RBBP4: variants seen among roughly 807,000 people sequenced by gnomAD.
RBBP4 encodes the protein RB binding protein 4, chromatin remodeling factor.
A neutral mutation model predicts 57.2 loss-of-function variants in RBBP4; 3 were observed. The observed-to-expected ratio is 0.05, with a 90% CI of 0.02 to 0.14. The LOEUF (loss-of-function observed/expected upper bound fraction) is 0.14. RBBP4 is among the 10% of genes least tolerant of loss of function. RBBP4 has a pLI of 1.00. For missense variants in RBBP4, 107 were observed against 520.6 expected (o/e 0.21, Z 7.73); for synonymous variants, 151 against 171.5 (o/e 0.88, Z 0.93).
chr1:32,664,639 G>A (rs934425556), intron 3 of RBBP4, among the ~76,000 whole-genome samples: 3 of 152,050 alleles, frequency 2.0e-5, no homozygotes, highest in Admixed American at 2.0e-4. Flanking sequence ...TTTTAGTAGA[G>A]ATGAGGTTTC....
chr1:32,661,681 C>T (rs372480411), intron 3 of RBBP4, among the ~76,000 whole-genome samples: 1 of 151,820 alleles, frequency 6.6e-6, no homozygotes, highest in Non-Finnish European at 1.5e-5. Flanking sequence ...TCTAAGTGTT[C>T]CCTTTTCTCT....
chr1:32,686,124 C>T lies in RBBP4; in HGVS notation c.*6419C>T, dbSNP rs992303659. 3 of 152,150 alleles carry T rather than the reference C, an allele frequency of 2.0e-5. No individual in the cohort carries two copies. Among genetic ancestry groups the T allele is most frequent in the African/African-American group, 7.2e-5 (3 of 41,422 alleles). 9.4% of individuals were successfully genotyped at this position (152,150 alleles called of 1,614,324 possible). On this transcript the variant is annotated 3_prime_UTR_variant, in exon 12 of 12. Coordinates refer to ENST00000373493, the MANE Select transcript of RBBP4 (RefSeq NM_005610.3). ...TACACAGCAGATTTCTAAGACAGCACACAAAATGTAAAATATGTCAAAAAT... is the reference window on the plus strand; with the variant it reads ...TACACAGCAGATTTCTAAGACAGCATACAAAATGTAAAATATGTCAAAAAT...
chr1:32,682,064 G>A lies in RBBP4; in HGVS notation c.*2359G>A. 1 of 558,390 alleles carries A rather than the reference G, an allele frequency of 1.8e-6. No individual in the cohort carries two copies. The highest frequency in any genetic ancestry group is 3.2e-6 in the Non-Finnish European group (1 of 313,788). 34.6% of individuals were successfully genotyped at this position (558,390 alleles called of 1,614,324 possible). A position where few individuals can be genotyped will look rare whatever the true frequency, so the allele number is the denominator to read the frequency against. On this transcript the variant is annotated 3_prime_UTR_variant, in exon 12 of 12. Coordinates refer to ENST00000373493, the MANE Select transcript of RBBP4 (RefSeq NM_005610.3). ...GGATAGTTAAACGTTTTCTCTGCTA[G>A]GTTAACTTCTTACAGGTATAATTAC...
rs1327167915 is a variant in RBBP4 at position 32,679,838 on chromosome 1, A to G, written c.*133A>G. 2.1e-6 allele frequency: 3 copies of G among 1,410,262 alleles called. No individual in the cohort carries two copies. The highest frequency in any genetic ancestry group is 2.8e-5 in the East Asian group (1 of 35,806). 87.4% of individuals were successfully genotyped at this position (1,410,262 alleles called of 1,614,324 possible). A position where few individuals can be genotyped will look rare whatever the true frequency, so the allele number is the denominator to read the frequency against. The stretch of plus-strand genomic sequence containing the variant: ...AATAGGTACCACCGATAATGCTATT[A>G]GCCCAAACCGTGGGTGTTTTCTAAA... On this transcript the variant is annotated 3_prime_UTR_variant, in exon 12 of 12. Coordinates refer to ENST00000373493, the MANE Select transcript of RBBP4 (RefSeq NM_005610.3).
intron 2 of RBBP4, among the ~76,000 whole-genome samples, chr1:32,654,666 AT>A (rs1648054006): frequency 6.6e-6 from 1 of 152,184 alleles, no homozygotes; most frequent in Non-Finnish European, 1.5e-5. Flanking sequence ...ATCTAGATAA[AT>A]AATGTGAGAA....
intron 2 of RBBP4, among the ~76,000 whole-genome samples, chr1:32,657,045 G>C (rs1479203382): frequency 1.3e-5 from 2 of 152,164 alleles, no homozygotes; most frequent in African/African-American, 2.4e-5. Flanking sequence ...GGAGGCTGAG[G>C]TGGGTGGATA....
At chr1:32,673,654 T>C (rs1648970791) in intron 11 of RBBP4, 1 of 239,856 alleles carries the variant, frequency 4.2e-6, no homozygotes, top group African/African-American at 2.4e-5. Flanking sequence ...GCCAGGCTGG[T>C]CTCAAACTCC....
At position 32,681,930 on chromosome 1, in the gene RBBP4, A is replaced by C; in HGVS notation, c.*2225A>C. 1 of 1,390,936 alleles carries C rather than the reference A, an allele frequency of 7.2e-7. No homozygotes were observed. The highest frequency in any genetic ancestry group is 1.0e-6 in the Non-Finnish European group (1 of 978,310). 86.2% of individuals were successfully genotyped at this position (1,390,936 alleles called of 1,614,324 possible). On this transcript the variant is annotated 3_prime_UTR_variant, in exon 12 of 12. Coordinates refer to ENST00000373493, the MANE Select transcript of RBBP4 (RefSeq NM_005610.3). ...TTTAGTTACTGCAGGCTTTGTTGAG[A>C]AGAGATTGTTACAGTGTGATTTATG...
intron 8 of RBBP4, among the ~76,000 whole-genome samples, chr1:32,671,723 A>G (rs568543288): frequency 2.0e-5 from 3 of 148,698 alleles, no homozygotes; most frequent in African/African-American, 7.4e-5. Flanking sequence ...GCCTAACCCC[A>G]TCTCTACACA....
At chr1:32,678,992 CTAT>C (rs1236139575) in intron 11 of RBBP4, among the ~76,000 whole-genome samples, 1 of 152,030 alleles carries the variant, frequency 6.6e-6, no homozygotes, top group Non-Finnish European at 1.5e-5. Context: ...TACTTTTTGG[CTAT>C]TATTAATAAT....
At chr1:32,663,460 G>C (rs1479520051) in intron 3 of RBBP4, among the ~76,000 whole-genome samples, 2 of 152,050 alleles carry the variant, frequency 1.3e-5, no homozygotes, top group African/African-American at 4.8e-5. Context: ...TATTTTTTCA[G>C]ACAGGGTCTT....
At chr1:32,658,942 TAA>T (rs1648269399) in intron 3 of RBBP4, among the ~76,000 whole-genome samples, 1 of 7,070 alleles carries the variant, frequency 1.4e-4, no homozygotes, top group Non-Finnish European at 0.015. Flanking sequence ...TATTTATATA[TAA>T]ACATACGTAT....
At chr1:32,651,744 G>A (rs1219244118) in intron 1 of RBBP4, 170 bp from the exon 2 acceptor site, 3 of 868,454 alleles carry the variant, frequency 3.5e-6, no homozygotes, top group African/African-American at 1.7e-5. Flanking sequence ...GGGATGGCCC[G>A]AGGAGTTTCG....
rs530922465 is a variant in RBBP4 at position 32,680,464 on chromosome 1, A to C, written c.*759A>C. 539 of 1,535,390 alleles carry C rather than the reference A, an allele frequency of 3.5e-4. 1 individual carries two copies. The highest frequency in any genetic ancestry group is 3.0e-3 in the Middle Eastern group (18 of 5,912). ...CTGTCAAGTTGAGAAGAGTGAATCA[A>C]TAACTTGTATTTGTTTTAAAAATTA... On this transcript the variant is annotated 3_prime_UTR_variant, in exon 12 of 12. Coordinates refer to ENST00000373493, the MANE Select transcript of RBBP4 (RefSeq NM_005610.3).
rs1239670122 is a variant in RBBP4, at chr1:32,684,601, CTG to C, written c.*4898_*4899del. 8.7e-6 allele frequency: 5 copies of C among 575,548 alleles called. No homozygotes were observed. The East Asian group carries it at 1.7e-4, about 20-fold the overall frequency. The allele number at this position is 575,548 out of a possible 1,614,324, so 35.7% of individuals were successfully genotyped here. ...AATGATGACGAAAAAGGCATCTTGTCTGTTAACCACAGCTTGCTTTAATAGAA... is the reference window on the plus strand; with the variant it reads ...AATGATGACGAAAAAGGCATCTTGTCTTAACCACAGCTTGCTTTAATAGAA... On this transcript the variant is annotated 3_prime_UTR_variant, in exon 12 of 12. Transcript: ENST00000373493.
chr1:32,652,037 C>T lies in RBBP4; in HGVS notation c.140C>T (p.Ala47Val). 1 of 1,613,826 alleles carries T rather than the reference C, an allele frequency of 6.2e-7. No individual in the cohort carries two copies. The highest frequency in any genetic ancestry group is 8.5e-7 in the Non-Finnish European group (1 of 1,179,800). The change falls in exon 2 of 12, where the codon GCC becomes GTC. Residue 47 changes from alanine to valine, a missense_variant. By Grantham distance (64) the Ala-to-Val change is moderately conservative. Coordinates refer to ENST00000373493, the MANE Select transcript of RBBP4 (RefSeq NM_005610.3). The stretch of plus-strand genomic sequence containing the variant: ...GCTCTGGAGTGGCCCAGCCTAACTG[C>T]CCAGTGGCTTCCAGATGTAACCAGG... ...THALEWPSLT[A>V]QWLPDVTRPE... is the part of the protein sequence containing the mutation.
At chr1:32,675,441 A>T (rs1390880559) in intron 11 of RBBP4, among the ~76,000 whole-genome samples, 3 of 151,916 alleles carry the variant, frequency 2.0e-5, no homozygotes, top group African/African-American at 7.3e-5. Context: ...TCCAAATACC[A>T]TCACAACATT....
chr1:32,676,896 T>C (rs1229385290), intron 11 of RBBP4, among the ~76,000 whole-genome samples: 1 of 151,996 alleles, frequency 6.6e-6, no homozygotes, highest in Non-Finnish European at 1.5e-5. Flanking sequence ...TGAGCTAAGA[T>C]GGCGCCACTG....
intron 1 of RBBP4, 106 bp downstream of exon 1, chr1:32,651,428 C>G (rs1184729706): frequency 7.2e-7 from 1 of 1,379,946 alleles, no homozygotes; most frequent in Admixed American, 3.6e-5. Flanking sequence ...CGAGTGCAGT[C>G]CCCGGTACTG....
Sources: gnomAD v4.1 joint callset for allele counts (sites outside exome capture counted in the v4.1 genomes callset) on GRCh38, gnomAD v4.1.1 for gene constraint, MANE v1.5 for transcripts, NCBI Gene and HGNC (gene_info 2026-07-23, HGNC 2026-07-21) for gene names.